Variants in PLXDC2 observed in about 807,000 individuals in gnomAD.
PLXDC2 encodes the protein plexin domain-containing protein 2.
PLXDC2 carries 40 observed loss-of-function variants against 68.9 expected under a neutral mutation model. The observed-to-expected ratio is 0.58, with a 90% CI of 0.45 to 0.76. PLXDC2 has a LOEUF of 0.76. Among genes scored for constraint, PLXDC2 ranks in the 30% least tolerant of loss-of-function variants. The pLI is 0.00. For synonymous variants in PLXDC2, 243 were observed against 234.2 expected (o/e 1.04, Z -0.34); for missense variants, 644 against 661.9 (o/e 0.97, Z 0.30).
intron 3 of PLXDC2, among the ~76,000 whole-genome samples, chr10:20,064,167 G>C (rs1171096053): frequency 6.7e-6 from 1 of 150,014 alleles, no homozygotes. Flanking sequence ...AAATCCAAGA[G>C]CACATAATGT....
intron 3 of PLXDC2, among the ~76,000 whole-genome samples, chr10:20,048,446 T>C (rs1479710355): frequency 6.6e-6 from 1 of 151,900 alleles, no homozygotes; most frequent in African/African-American, 2.4e-5. Context: ...TAATTCACAG[T>C]GGAATTTCCA....
rs35250324 is a variant in PLXDC2, at chr10:19,927,713, CAAAAAAAAAAA to C, written c.113-74047_113-74037del. ...GAGACTCCATCTCAAGGAAAAAAAG[CAAAAAAAAAAA>C]AAAAAAAAAAAAAAGCAAGGAATCA... is the stretch of plus-strand genomic sequence containing the variant. On this transcript the variant is annotated intron_variant, in intron 1 of 13. Coordinates refer to ENST00000377252, the MANE Select transcript of PLXDC2 (RefSeq NM_032812.9). 9.4e-5 allele frequency among the ~76,000 whole-genome samples: 5 copies of C among 53,142 alleles called. 1 individual carries two copies. The highest frequency in any genetic ancestry group is 1.6e-3 in the East Asian group (2 of 1,288). The allele number at this position is 53,142 out of a possible 152,430, so 34.9% of individuals were successfully genotyped here.
intron 7 of PLXDC2, among the ~76,000 whole-genome samples, chr10:20,170,232 CCAGGCTGGAGTA>C (rs1403721193): frequency 6.6e-6 from 1 of 152,090 alleles, no homozygotes; most frequent in Non-Finnish European, 1.5e-5. Flanking sequence ...ACTCTGTCAC[CCAGGCTGGAGTA>C]CAGTGGGACG....
intron 1 of PLXDC2, among the ~76,000 whole-genome samples, chr10:19,867,967 G>T (rs1837453631): frequency 1.3e-5 from 2 of 152,130 alleles, no homozygotes; most frequent in South Asian, 4.2e-4. Context: ...ATATTAGAAA[G>T]TTTCAACTAG....
At position 20,164,499 on chromosome 10, in the gene PLXDC2, C is replaced by A. The variant is rs1236508524; in HGVS notation, c.815C>A (p.Thr272Asn). The change falls in exon 7 of 14, where the codon ACC becomes AAC. Residue 272 changes from threonine to asparagine, a missense_variant. By Grantham distance (65) the Thr-to-Asn change is moderately conservative (BLOSUM62 0). Around this residue, in one of 3 missense-constraint regions of PLXDC2, gnomAD observed 330 missense variants for 327.9 expected, o/e 1.01. Transcript: ENST00000377252. Reference protein sequence around the residue: ...IPVLVTQISSTNHPVKVGLSD... With the variant: ...IPVLVTQISSNNHPVKVGLSD... ...GTCTTGGTCACACAGATAAGTTCAACCAATCATCCAGTGAAAGTCGGACTG... is the reference window on the plus strand; with the variant it reads ...GTCTTGGTCACACAGATAAGTTCAAACAATCATCCAGTGAAAGTCGGACTG... 6.2e-7 allele frequency: 1 copy of A among 1,613,528 alleles called. No homozygotes were observed.
rs1241851791 is a variant in PLXDC2 at position 20,146,391 on chromosome 10, T to TCTTCCTTG, written c.665-1377_665-1370dup. ...TTCCTTCCTCCCTCCCTCCTTTCTT[T>TCTTCCTTG]CTTCCTTGCTTCCTTGCTTCCTTTT... is the stretch of plus-strand genomic sequence containing the variant. On this transcript the variant is annotated intron_variant, in intron 5 of 13. Transcript: ENST00000377252. Among the ~76,000 whole-genome samples, 534 of 151,576 alleles carry TCTTCCTTG rather than the reference T, an allele frequency of 3.5e-3. 3 individuals are homozygous for TCTTCCTTG. Among genetic ancestry groups the TCTTCCTTG allele is most frequent in the African/African-American group, 0.012 (504 of 41,352 alleles).
Position 20,068,235 on chromosome 10 carries a change from C to A in PLXDC2, c.537C>A (p.Thr179=). Residue 179 remains threonine, a synonymous_variant, in exon 4 of 14, where the codon ACC becomes ACA. Transcript: ENST00000377252. The stretch of plus-strand genomic sequence containing the variant: ...TCCTACGTGAAATCACTGTGGCAAC[C>A]GGGGGTAAGTGGTTTTCTACCCATT... The part of the protein sequence containing the change: ...GHFLREITVA[T]GGFIYTGEVV... The A allele has an allele frequency of 6.2e-7, 1 of 1,610,888 alleles. No individual in the cohort carries two copies.
intron 1 of PLXDC2, among the ~76,000 whole-genome samples, chr10:19,853,452 C>T (rs6482068): frequency 0.14 from 21,011 of 151,626 alleles, 1,416 homozygotes; most frequent in Middle Eastern, 0.15. Flanking sequence ...GATGAGGTCT[C>T]GCTATGTTGC....
chr10:19,897,890 A>G (rs1471289140), intron 1 of PLXDC2, among the ~76,000 whole-genome samples: 2 of 152,260 alleles, frequency 1.3e-5, no homozygotes, highest in East Asian at 1.9e-4. Context: ...ATTTTTAAGT[A>G]GAAGGACTAG....
chr10:20,141,937 T>G (rs918281708), intron 4 of PLXDC2, among the ~76,000 whole-genome samples: 1 of 152,040 alleles, frequency 6.6e-6, no homozygotes, highest in Admixed American at 6.6e-5. Flanking sequence ...AAGTACACAT[T>G]GAAGATTTTT....
At chr10:20,092,286 C>T (rs781045530) in intron 4 of PLXDC2, among the ~76,000 whole-genome samples, 10 of 152,042 alleles carry the variant, frequency 6.6e-5, no homozygotes, top group East Asian at 1.9e-4. Flanking sequence ...AAGCCTTATC[C>T]GGTGATCCAT....
rs144747723 is a variant in PLXDC2 at position 20,022,145 on chromosome 10, G to A, written c.324+20159G>A. Among the ~76,000 whole-genome samples, 430 of 152,274 alleles carry A rather than the reference G, an allele frequency of 2.8e-3. 1 individual carries two copies. Among genetic ancestry groups the A allele is most frequent in the African/African-American group, 9.7e-3 (401 of 41,552 alleles). ...TCCTCTATATATCTGTTTATCAACT[G>A]TCATCTAGAAATTCAGAGTGCACTT... On this transcript the variant is annotated intron_variant, in intron 2 of 13. Coordinates refer to ENST00000377252, the MANE Select transcript of PLXDC2 (RefSeq NM_032812.9).
intron 5 of PLXDC2, among the ~76,000 whole-genome samples, chr10:20,145,677 G>A (rs1834066818): frequency 6.6e-6 from 1 of 152,020 alleles, no homozygotes; most frequent in African/African-American, 2.4e-5. Context: ...AACCTCCCGA[G>A]TAGCTGGGAC....
intron 1 of PLXDC2, among the ~76,000 whole-genome samples, chr10:19,993,250 A>G (rs567810443): frequency 1.3e-5 from 2 of 152,130 alleles, no homozygotes; most frequent in Non-Finnish European, 2.9e-5. Flanking sequence ...CAGTTGTCTT[A>G]ATTTTATTAA....
intron 5 of PLXDC2, 72 bp from the exon 6 acceptor site, chr10:20,147,712 G>A (rs1834098001): frequency 7.5e-6 from 7 of 931,338 alleles, no homozygotes; most frequent in Non-Finnish European, 9.8e-6. Flanking sequence ...AAACATTTTT[G>A]TGAAAACTCC....
chr10:19,935,834 G>C (rs747415718), intron 1 of PLXDC2, among the ~76,000 whole-genome samples: 3 of 152,168 alleles, frequency 2.0e-5, no homozygotes, highest in Non-Finnish European at 2.9e-5. Context: ...TTTGCCGGCA[G>C]ACTAAAGAAG....
intron 1 of PLXDC2, among the ~76,000 whole-genome samples, chr10:19,979,179 A>T (rs1421682896): frequency 6.6e-6 from 1 of 152,128 alleles, no homozygotes; most frequent in African/African-American, 2.4e-5. Flanking sequence ...TCTGCATAAG[A>T]CTTTAAATGC....
chr10:19,966,173 T>G (rs1424571869), intron 1 of PLXDC2, among the ~76,000 whole-genome samples: 1 of 144,956 alleles, frequency 6.9e-6, no homozygotes, highest in Non-Finnish European at 1.5e-5. Context: ...CATATACATG[T>G]GTATATATAG....
At chr10:20,205,806 A>G (rs1006270635) in intron 9 of PLXDC2, among the ~76,000 whole-genome samples, 9 of 152,090 alleles carry the variant, frequency 5.9e-5, no homozygotes, top group Non-Finnish European at 4.4e-5. Context: ...CATCTTACAG[A>G]TGAGGAAACA....
Sources: gnomAD v4.1 joint callset for allele counts (sites outside exome capture counted in the v4.1 genomes callset) on GRCh38, gnomAD v4.1.1 for gene constraint, gnomAD v4.1.1 regional missense constraint, MANE v1.5 for transcripts, NCBI Gene and HGNC (gene_info 2026-07-23, HGNC 2026-07-21) for gene names.